The following SPOCK1 variants were observed in gnomAD, a reference collection of about 807,000 sequenced individuals.
The protein encoded by SPOCK1 is testican-1.
A neutral mutation model predicts 55.3 loss-of-function variants in SPOCK1; 23 were observed. The ratio of observed to expected loss-of-function variants is 0.42; its 90% CI spans 0.30 to 0.59. The LOEUF (loss-of-function observed/expected upper bound fraction) is 0.59, where lower values mean the gene tolerates loss of function less well. SPOCK1 is among the 20% of genes least tolerant of loss of function. SPOCK1 has a pLI of 0.22. For missense variants in SPOCK1, 499 were observed against 552.5 expected, an observed-to-expected ratio of 0.90 and a Z score of 0.97; for synonymous variants, 226 against 221.0, an observed-to-expected ratio of 1.02 and a Z score of -0.20.
chr5:137,284,270 A>AT (rs1173524952), intron 2 of SPOCK1, among the ~76,000 whole-genome samples: 1 of 152,226 alleles, frequency 6.6e-6, no homozygotes, highest in Non-Finnish European at 1.5e-5. Context: ...GTTCTAGACC[A>AT]TCATCTCCCA....
At chr5:137,003,184 T>C (rs1751182151) in intron 6 of SPOCK1, among the ~76,000 whole-genome samples, 1 of 152,098 alleles carries the variant, frequency 6.6e-6, no homozygotes, top group Non-Finnish European at 1.5e-5. Context: ...GGAGGGTGGA[T>C]CACCTGAGGC....
chr5:137,338,671 C>G (rs1306652782), intron 2 of SPOCK1, among the ~76,000 whole-genome samples: 1 of 151,638 alleles, frequency 6.6e-6, no homozygotes, highest in Non-Finnish European at 1.5e-5. Context: ...CACATCCTCT[C>G]CAGCACCTGT....
At chr5:137,023,013 G>A (rs548053295) in intron 6 of SPOCK1, among the ~76,000 whole-genome samples, 1 of 152,298 alleles carries the variant, frequency 6.6e-6, no homozygotes, top group African/African-American at 2.4e-5. Context: ...GCAAATAAGA[G>A]AGGCAGCACA....
rs1387082966 is a variant in SPOCK1, at chr5:137,220,528, C to G, written c.232+46482G>C. Among the ~76,000 whole-genome samples the G allele has an allele frequency of 3.3e-5, 5 of 152,202 alleles. No homozygotes were observed. In the East Asian group the frequency reaches 9.6e-4, roughly 29 times the overall value. Reference sequence around the variant, plus strand: ...TATTTTACCCCACTTTATAGAGGAACAAACCACATCACATAGGATGTAATA... The same window carrying G: ...TATTTTACCCCACTTTATAGAGGAAGAAACCACATCACATAGGATGTAATA... On this transcript the variant is annotated intron_variant, in intron 3 of 10. Coordinates refer to ENST00000394945, the MANE Select transcript of SPOCK1 (RefSeq NM_004598.4).
At chr5:137,385,464 T>C (rs1049749494) in intron 2 of SPOCK1, among the ~76,000 whole-genome samples, 1 of 152,236 alleles carries the variant, frequency 6.6e-6, no homozygotes, top group Non-Finnish European at 1.5e-5. Context: ...AGACTTTGCA[T>C]ACATAGCACC....
chr5:137,125,135 C>T (rs1753762324), intron 4 of SPOCK1, among the ~76,000 whole-genome samples: 1 of 152,232 alleles, frequency 6.6e-6, no homozygotes, highest in Admixed American at 6.5e-5. Flanking sequence ...CCTAACACAG[C>T]TTCCATTAAG....
chr5:137,268,593 A>G (rs890966214), intron 2 of SPOCK1, among the ~76,000 whole-genome samples: 2 of 152,214 alleles, frequency 1.3e-5, no homozygotes, highest in Non-Finnish European at 2.9e-5. Context: ...CAGATAGGAA[A>G]TTTAGCACCC....
At position 137,399,880 on chromosome 5, in the gene SPOCK1, T is replaced by C. The variant is rs908842091; in HGVS notation, c.186+98493A>G. On this transcript the variant is annotated intron_variant, in intron 2 of 10. Transcript: ENST00000394945. ...AGGCAGACTCCACTATTTGACAGCG[T>C]TGGCAGGGAAAAGTGGGAGACATTT... Among the ~76,000 whole-genome samples, 4 of 152,298 alleles carry C rather than the reference T, an allele frequency of 2.6e-5. 1 individual carries two copies. In the South Asian group the frequency reaches 8.3e-4, roughly 32 times the overall value.
chr5:137,448,597 T>G (rs1293963678), intron 2 of SPOCK1, among the ~76,000 whole-genome samples: 5 of 152,224 alleles, frequency 3.3e-5, no homozygotes, highest in Admixed American at 6.5e-5. Context: ...CAGGTAAGAA[T>G]GTATGAGTGA....
At chr5:137,449,036 C>T (rs1753192611) in intron 2 of SPOCK1, among the ~76,000 whole-genome samples, 1 of 152,188 alleles carries the variant, frequency 6.6e-6, no homozygotes, top group Non-Finnish European at 1.5e-5. Context: ...CAGTGATCTC[C>T]CTACCCTCAG....
At chr5:136,986,046 T>TACAACTCTTACCCTGTA (rs1750835117) in intron 8 of SPOCK1, among the ~76,000 whole-genome samples, 1 of 152,196 alleles carries the variant, frequency 6.6e-6, no homozygotes, top group East Asian at 1.9e-4. Context: ...AGCAACCATT[T>TACAACTCTTACCCTGTA]ACAACTCTTA....
At chr5:137,459,727 G>A (rs1753441133) in intron 2 of SPOCK1, among the ~76,000 whole-genome samples, 2 of 152,100 alleles carry the variant, frequency 1.3e-5, no homozygotes, top group African/African-American at 2.4e-5. Context: ...AGGAGCTGAC[G>A]GTACACTGGA....
intron 2 of SPOCK1, among the ~76,000 whole-genome samples, chr5:137,288,874 A>T (rs1757314521): frequency 6.6e-6 from 1 of 152,210 alleles, no homozygotes; most frequent in Non-Finnish European, 1.5e-5. Flanking sequence ...AGAACTGGGG[A>T]AGGAAAAGCT....
At chr5:137,222,068 C>T (rs992210088) in intron 3 of SPOCK1, among the ~76,000 whole-genome samples, 3 of 152,096 alleles carry the variant, frequency 2.0e-5, no homozygotes, top group African/African-American at 7.2e-5. Flanking sequence ...CATGAAGCCT[C>T]GAGTTTTCTT....
chr5:137,143,466 G>A (rs372914616), intron 3 of SPOCK1, among the ~76,000 whole-genome samples: 12 of 152,282 alleles, frequency 7.9e-5, no homozygotes, highest in East Asian at 5.8e-4. Flanking sequence ...CGGACTCCAA[G>A]GCAGAGTAGC....
At chr5:137,457,688 C>T (rs139787305) in intron 2 of SPOCK1, among the ~76,000 whole-genome samples, 3 of 152,228 alleles carry the variant, frequency 2.0e-5, no homozygotes, top group East Asian at 1.9e-4. Context: ...TGCCAAATAG[C>T]GTGAAAGACA....
At chr5:137,067,638 G>A in intron 6 of SPOCK1, 77 bp downstream of exon 6, 1 of 1,277,358 alleles carries the variant, frequency 7.8e-7, no homozygotes, top group Non-Finnish European at 1.1e-6. Context: ...TAGTGCCTGG[G>A]ACAGAGCTCG....
chr5:137,446,299 A>C (rs2149833421), intron 2 of SPOCK1, among the ~76,000 whole-genome samples: 1 of 152,336 alleles, frequency 6.6e-6, no homozygotes, highest in African/African-American at 2.4e-5. Context: ...CTGCAATTAA[A>C]CCAAACCTAA....
Position 136,988,646 on chromosome 5 carries a change from G to A in SPOCK1, c.707-3C>T. On this transcript the variant is annotated splice_region_variant and splice_polypyrimidine_tract_variant and intron_variant, in intron 7 of 10. Transcript: ENST00000394945. ...GGGCAGGATGCTAGTGTCAAACCCT[G>A]CCAAACAAAAGGCATATCTCAGCTG... The A allele has an allele frequency of 1.9e-6, 3 of 1,609,246 alleles. No individual in the cohort carries two copies. The highest frequency in any genetic ancestry group is 2.5e-6 in the Non-Finnish European group (3 of 1,176,598).
Sources: gnomAD v4.1 joint callset for allele counts (sites outside exome capture counted in the v4.1 genomes callset) on GRCh38, gnomAD v4.1.1 for gene constraint, MANE v1.5 for transcripts, NCBI Gene and HGNC (gene_info 2026-07-23, HGNC 2026-07-21) for gene names.